SEC23B: variants seen among roughly 807,000 people sequenced by gnomAD.
SEC23B encodes SEC23 homolog B, COPII component.
Under a neutral mutation model 104.3 loss-of-function variants are expected in SEC23B, and 77 were observed. That is an observed-to-expected ratio of 0.74 (90% confidence interval 0.61 to 0.89). The LOEUF is 0.89. Among genes scored for constraint, SEC23B ranks in the 40% least tolerant of loss-of-function variants. The pLI, the probability that SEC23B is intolerant of heterozygous loss-of-function variation, is 0.00. For synonymous variants in SEC23B, 338 were observed against 332.5 expected (o/e 1.02, Z -0.18); for missense variants, 885 against 949.4 (o/e 0.93, Z 0.89).
chr20:18,550,084 G>A (rs906341563), intron 16 of SEC23B, among the ~76,000 whole-genome samples: 23 of 147,824 alleles, frequency 1.6e-4, no homozygotes, highest in African/African-American at 5.4e-4. Flanking sequence ...AAATATATAT[G>A]TATATGATTA....
In SEC23B at chr20:18,548,655, A is replaced by G. The variant is rs762108877; in HGVS notation, c.1790A>G (p.Asn597Ser). 3.8e-5 allele frequency: 61 copies of G among 1,614,032 alleles called. No individual in the cohort carries two copies. The highest frequency in any genetic ancestry group is 5.0e-5 in the Non-Finnish European group (59 of 1,179,986). The change falls in exon 16 of 20, where the codon AAC becomes AGC. Residue 597 changes from asparagine (N) to serine (S), a missense_variant. Coordinates refer to ENST00000650089, the MANE Select transcript of SEC23B (RefSeq NM_006363.6). ...TCTCCATTTCTTCAAGTGTTTAACAACAGTCCTGATGAGTCGTCATATTAC... is the reference window on the plus strand; with the variant it reads ...TCTCCATTTCTTCAAGTGTTTAACAGCAGTCCTGATGAGTCGTCATATTAC... ...RRSPFLQVFN[N>S]SPDESSYYRH...
intron 12 of SEC23B, among the ~76,000 whole-genome samples, chr20:18,541,289 T>A (rs1315682760): frequency 6.6e-6 from 1 of 152,246 alleles, no homozygotes; most frequent in Non-Finnish European, 1.5e-5. Flanking sequence ...TACTAAAACA[T>A]TCTCCACATC....
At chr20:18,546,943 CCTTT>C (rs982372609) in intron 15 of SEC23B, among the ~76,000 whole-genome samples, 2 of 134,204 alleles carry the variant, frequency 1.5e-5, no homozygotes, top group African/African-American at 5.6e-5. Context: ...GCCATGGAAT[CCTTT>C]CTTTGAGAGG....
chr20:18,523,192 G>A (rs1224348519), intron 4 of SEC23B, among the ~76,000 whole-genome samples: 1 of 151,952 alleles, frequency 6.6e-6, no homozygotes, highest in Non-Finnish European at 1.5e-5. Context: ...TCCAACCCCA[G>A]TATCTGCTAG....
rs1397296852 is a variant in SEC23B, at chr20:18,510,811, T to A, written c.-14-11T>A. The A allele has an allele frequency of 6.3e-7, 1 of 1,597,032 alleles. No individual in the cohort carries two copies. Among genetic ancestry groups the A allele is most frequent in the Non-Finnish European group, 8.6e-7 (1 of 1,164,644 alleles). ...CACATACCATTAAGGTAATTAAAGTTTTATCTTCAGTTCCCTTTTAGACTA... is the reference window on the plus strand; with the variant it reads ...CACATACCATTAAGGTAATTAAAGTATTATCTTCAGTTCCCTTTTAGACTA... On this transcript the variant is annotated splice_polypyrimidine_tract_variant and intron_variant, in intron 1 of 19. Transcript: ENST00000650089.
At chr20:18,559,291 C>T (rs2060471175) in intron 19 of SEC23B, among the ~76,000 whole-genome samples, 1 of 152,120 alleles carries the variant, frequency 6.6e-6, no homozygotes, top group South Asian at 2.1e-4. Flanking sequence ...TCCTGACCCT[C>T]CTCCAGGCCT....
At chr20:18,510,772 T>C (rs756961943) in intron 1 of SEC23B, 50 bp from the exon 2 acceptor site, 2 of 1,412,408 alleles carry the variant, frequency 1.4e-6, no homozygotes, top group Non-Finnish European at 2.0e-6. Context: ...TTTTTGACAT[T>C]TAGTTCAGAA....
At chr20:18,529,562 C>G (rs2148902827) in intron 9 of SEC23B, among the ~76,000 whole-genome samples, 1 of 152,322 alleles carries the variant, frequency 6.6e-6, no homozygotes, top group Non-Finnish European at 1.5e-5. Context: ...TACTAAGCTG[C>G]TCTACCACCA....
At position 18,560,874 on chromosome 20, in the gene SEC23B, G is replaced by A; in HGVS notation, c.*134G>A. ...AGGACATTTTATATGTAACTCTTTA[G>A]ATTATAATTTATTTGTATTCCTGTC... On this transcript the variant is annotated 3_prime_UTR_variant, in exon 20 of 20. Coordinates refer to ENST00000650089, the MANE Select transcript of SEC23B (RefSeq NM_006363.6). The A allele has an allele frequency of 1.4e-6, 1 of 707,526 alleles. No homozygotes were observed. Among genetic ancestry groups the A allele is most frequent in the Non-Finnish European group, 2.6e-6 (1 of 391,704 alleles). The allele number at this position is 707,526 out of a possible 1,614,324, so 43.8% of individuals were successfully genotyped here.
Position 18,554,236 on chromosome 20 carries a change from C to A in SEC23B, c.1994C>A (p.Thr665Asn), listed in dbSNP as rs1394991951. The A allele has an allele frequency of 1.9e-6, 3 of 1,613,988 alleles. No individual in the cohort carries two copies. The African/African-American group carries it at 4.0e-5, about 22-fold the overall frequency. Residue 665 changes from threonine to asparagine, a missense_variant and splice_region_variant, in exon 18 of 20, where the codon ACC becomes AAC. Coordinates refer to ENST00000650089, the MANE Select transcript of SEC23B (RefSeq NM_006363.6). ...FFQIVIYLGE[T>N]IAQWRKAGYQ... Reference sequence around the variant, plus strand: ...TTTGGTTGGTTTGTTTCTGTGTAGACCATAGCCCAGTGGCGTAAAGCTGGC... The same window carrying A: ...TTTGGTTGGTTTGTTTCTGTGTAGAACATAGCCCAGTGGCGTAAAGCTGGC...
At chr20:18,525,729 T>C (rs2060127701) in intron 6 of SEC23B, 59 bp from the exon 7 acceptor site, 2 of 1,563,554 alleles carry the variant, frequency 1.3e-6, no homozygotes, top group Non-Finnish European at 8.8e-7. Context: ...TGGCACCTAG[T>C]GTTGAAGACC....
In SEC23B at chr20:18,546,030, T is replaced by C. The variant is rs1421359286; in HGVS notation, c.1740T>C (p.Pro580=). The C allele has an allele frequency of 1.4e-6, 2 of 1,480,838 alleles. No individual in the cohort carries two copies. The highest frequency in any genetic ancestry group is 9.4e-7 in the Non-Finnish European group (1 of 1,058,392). 91.7% of individuals were successfully genotyped at this position (1,480,838 alleles called of 1,614,324 possible). A position where few individuals can be genotyped will look rare whatever the true frequency, so the allele number is the denominator to read the frequency against. ...FRLSDSFSLY[P]QFMFHLRRSP... is the part of the protein sequence containing the mutation. The stretch of plus-strand genomic sequence containing the variant: ...TATCAGATTCCTTTTCTCTATATCC[T>C]CAGGTAAGTAATGTATGTTTCTAAA... The change falls in exon 15 of 20, where the codon CCT becomes CCC. Residue 580 remains proline, a synonymous_variant. Coordinates refer to ENST00000650089, the MANE Select transcript of SEC23B (RefSeq NM_006363.6).
In SEC23B at chr20:18,532,760, C is replaced by T. The variant is rs557848420; in HGVS notation, c.1314+16C>T. ...GTCAGAAAATGTAAGGAAAACAACT[C>T]CATCACCCTCACCTCCTGCCCCGGA... is the stretch of plus-strand genomic sequence containing the variant. On this transcript the variant is annotated intron_variant, in intron 11 of 19. Coordinates refer to ENST00000650089, the MANE Select transcript of SEC23B (RefSeq NM_006363.6). The T allele has an allele frequency of 4.0e-5, 64 of 1,581,202 alleles. No individual in the cohort carries two copies. In the South Asian group the frequency reaches 6.8e-4, roughly 17 times the overall value.
chr20:18,511,947 A>C (rs1433535852), intron 2 of SEC23B, among the ~76,000 whole-genome samples: 1 of 152,244 alleles, frequency 6.6e-6, no homozygotes, highest in Non-Finnish European at 1.5e-5. Context: ...TATAATTTAT[A>C]TAAATCATGA....
chr20:18,531,513 G>A (rs1470242005), intron 10 of SEC23B, among the ~76,000 whole-genome samples: 5 of 151,940 alleles, frequency 3.3e-5, no homozygotes, highest in African/African-American at 7.3e-5. Context: ...AAAACTAGCC[G>A]GGCGTGGTGG....
At chr20:18,522,302 T>G (rs2060090855) in intron 4 of SEC23B, among the ~76,000 whole-genome samples, 1 of 152,158 alleles carries the variant, frequency 6.6e-6, no homozygotes, top group African/African-American at 2.4e-5. Context: ...TGTGGGTGAA[T>G]AATCAGGCAG....
At chr20:18,511,390 G>A (rs1196077879) in intron 2 of SEC23B, among the ~76,000 whole-genome samples, 1 of 152,102 alleles carries the variant, frequency 6.6e-6, no homozygotes, top group Non-Finnish European at 1.5e-5. Context: ...TAATTTCCCA[G>A]AAGAATTCGA....
At chr20:18,543,687 A>T (rs181971522) in intron 14 of SEC23B, among the ~76,000 whole-genome samples, 2 of 152,320 alleles carry the variant, frequency 1.3e-5, no homozygotes, top group East Asian at 3.9e-4. Flanking sequence ...TGGGGCTGAG[A>T]TAGAGCACCA....
intron 14 of SEC23B, among the ~76,000 whole-genome samples, chr20:18,543,480 TGG>T (rs2060307492): frequency 6.6e-6 from 1 of 152,210 alleles, no homozygotes; most frequent in African/African-American, 2.4e-5. Flanking sequence ...CTTCTAAATC[TGG>T]AAAGTGGTTT....
Sources: gnomAD v4.1 joint callset for allele counts (sites outside exome capture counted in the v4.1 genomes callset) on GRCh38, gnomAD v4.1.1 for gene constraint, MANE v1.5 for transcripts, NCBI Gene and HGNC (gene_info 2026-07-23, HGNC 2026-07-21) for gene names.